The following KCNB2 variants were observed in gnomAD, a reference collection of about 807,000 sequenced individuals.
The protein encoded by KCNB2 is potassium voltage-gated channel subfamily B member 2, also known as delayed rectifier potassium channel protein.
KCNB2 carries 15 observed loss-of-function variants against 61.5 expected under a neutral mutation model. The observed-to-expected ratio is 0.24, with a 90% confidence interval of 0.16 to 0.38. The LOEUF (loss-of-function observed/expected upper bound fraction) is 0.38, where lower values mean the gene tolerates loss of function less well. Among genes scored for constraint, KCNB2 ranks in the 10% least tolerant of loss-of-function variants. KCNB2 has a pLI of 1.00. For synonymous variants in KCNB2, 457 were observed against 446.0 expected (o/e 1.02, Z -0.31); for missense variants, 828 against 1,125.2 (o/e 0.74, Z 3.78).
intron 2 of KCNB2, among the ~76,000 whole-genome samples, chr8:72,810,465 A>G (rs999716330): frequency 3.3e-5 from 5 of 152,110 alleles, no homozygotes; most frequent in Admixed American, 2.6e-4. Context: ...CCAAGTGTCC[A>G]TTGCTGACCA....
chr8:72,654,201 G>C (rs1414142978), intron 2 of KCNB2, among the ~76,000 whole-genome samples: 4 of 152,116 alleles, frequency 2.6e-5, no homozygotes, highest in African/African-American at 9.7e-5. Flanking sequence ...TCTTCTCTTT[G>C]CTTCTGTTCC....
intron 2 of KCNB2, among the ~76,000 whole-genome samples, chr8:72,752,839 A>G (rs1451935553): frequency 6.6e-6 from 1 of 152,228 alleles, no homozygotes; most frequent in Non-Finnish European, 1.5e-5. Context: ...CTTCCAAGAT[A>G]TCACACACAC....
intron 2 of KCNB2, among the ~76,000 whole-genome samples, chr8:72,789,841 A>G (rs77894560): frequency 0.018 from 2,744 of 152,126 alleles, 96 homozygotes; most frequent in African/African-American, 0.063. Context: ...GCCAAGCAGG[A>G]GGTGATATTA....
In KCNB2 at chr8:72,707,469, T is replaced by G. The variant is rs141101150; in HGVS notation, c.579+139156T>G. 2.3e-3 allele frequency among the ~76,000 whole-genome samples: 351 copies of G among 152,254 alleles called. 2 individuals carry two copies. Among genetic ancestry groups the G allele is most frequent in the African/African-American group, 5.3e-3 (222 of 41,548 alleles). ...TGGTTGGGTTCCTTGGGTCTTTTCT[T>G]TAATCTCCATTTCCACAGAGCCTCA... On this transcript the variant is annotated intron_variant, in intron 2 of 2. Transcript: ENST00000523207.
intron 2 of KCNB2, among the ~76,000 whole-genome samples, chr8:72,759,128 T>A (rs1375971111): frequency 6.6e-6 from 1 of 152,140 alleles, no homozygotes; most frequent in African/African-American, 2.4e-5. Flanking sequence ...AACTCCCTCT[T>A]GTTTTAAAAA....
At chr8:72,855,873 G>A (rs886915786) in intron 2 of KCNB2, among the ~76,000 whole-genome samples, 5 of 152,136 alleles carry the variant, frequency 3.3e-5, no homozygotes, top group African/African-American at 9.7e-5. Flanking sequence ...TTTATATAAC[G>A]TGGTATAGTA....
At chr8:72,905,872 T>A (rs145988135) in intron 2 of KCNB2, among the ~76,000 whole-genome samples, 1 of 152,160 alleles carries the variant, frequency 6.6e-6, no homozygotes, top group East Asian at 1.9e-4. Flanking sequence ...CAGGAATTCA[T>A]CTAAGATGTT....
At chr8:72,678,124 G>C (rs1253134224) in intron 2 of KCNB2, among the ~76,000 whole-genome samples, 1 of 152,012 alleles carries the variant, frequency 6.6e-6, no homozygotes, top group East Asian at 1.9e-4. Context: ...CCTCCTTTTT[G>C]TAATACCCCA....
At chr8:72,638,411 C>T (rs921098017) in intron 2 of KCNB2, among the ~76,000 whole-genome samples, 10 of 152,132 alleles carry the variant, frequency 6.6e-5, no homozygotes, top group African/African-American at 2.4e-4. Flanking sequence ...AGCACACTGA[C>T]CACCGGGCTT....
chr8:72,769,547 C>T (rs1456906826), intron 2 of KCNB2, among the ~76,000 whole-genome samples: 1 of 152,170 alleles, frequency 6.6e-6, no homozygotes. Flanking sequence ...GGGAAAGACA[C>T]TTCTGAGAGA....
chr8:72,579,035 T>C (rs1806848312), intron 2 of KCNB2, among the ~76,000 whole-genome samples: 1 of 152,208 alleles, frequency 6.6e-6, no homozygotes, highest in Non-Finnish European at 1.5e-5. Context: ...TATCCAGATG[T>C]CATTTTCATT....
chr8:72,660,319 C>T (rs1249687687), intron 2 of KCNB2, among the ~76,000 whole-genome samples: 1 of 152,158 alleles, frequency 6.6e-6, no homozygotes, highest in Admixed American at 6.5e-5. Context: ...AGTGCCCTTG[C>T]AGAGGATGAA....
chr8:72,553,746 A>G (rs192345161), intron 1 of KCNB2, among the ~76,000 whole-genome samples: 1 of 152,104 alleles, frequency 6.6e-6, no homozygotes, highest in Non-Finnish European at 1.5e-5. Flanking sequence ...CATAATAAAC[A>G]CAATTTGTAA....
chr8:72,777,379 C>A (rs1480869565), intron 2 of KCNB2, among the ~76,000 whole-genome samples: 1 of 152,180 alleles, frequency 6.6e-6, no homozygotes, highest in South Asian at 2.1e-4. Flanking sequence ...TTTCTTGAAG[C>A]TCTTCCAATT....
chr8:72,669,580 A>T (rs1019883611), intron 2 of KCNB2, among the ~76,000 whole-genome samples: 1 of 152,228 alleles, frequency 6.6e-6, no homozygotes, highest in African/African-American at 2.4e-5. Context: ...CTAATTGCCC[A>T]TGGCAATTTT....
chr8:72,700,638 G>T (rs896347601), intron 2 of KCNB2, among the ~76,000 whole-genome samples: 1 of 152,102 alleles, frequency 6.6e-6, no homozygotes, highest in African/African-American at 2.4e-5. Flanking sequence ...CTGTTGGAGA[G>T]AATTTAAATT....
At chr8:72,594,332 A>T (rs1351584490) in intron 2 of KCNB2, among the ~76,000 whole-genome samples, 1 of 152,164 alleles carries the variant, frequency 6.6e-6, no homozygotes, top group Admixed American at 6.5e-5. Context: ...AGCATTATTC[A>T]AATGGTCCAC....
At chr8:72,602,092 G>A (rs1378157913) in intron 2 of KCNB2, among the ~76,000 whole-genome samples, 1 of 152,184 alleles carries the variant, frequency 6.6e-6, no homozygotes, top group African/African-American at 2.4e-5. Context: ...TCCTGGAAAA[G>A]CTTTGTTATC....
At chr8:72,919,477 T>G (rs1262856408) in intron 2 of KCNB2, among the ~76,000 whole-genome samples, 1 of 152,232 alleles carries the variant, frequency 6.6e-6, no homozygotes, top group East Asian at 1.9e-4. Flanking sequence ...GAAGATAGGC[T>G]TCTGAACAAC....
Sources: gnomAD v4.1 joint callset for allele counts (sites outside exome capture counted in the v4.1 genomes callset) on GRCh38, gnomAD v4.1.1 for gene constraint, MANE v1.5 for transcripts, NCBI Gene and HGNC (gene_info 2026-07-23, HGNC 2026-07-21) for gene names.